LIPE: variants seen among roughly 807,000 people sequenced by gnomAD.
The protein encoded by LIPE is hormone-sensitive lipase.
In LIPE, 66 loss-of-function variants were observed where a neutral mutation model predicts 88.5. That is an observed-to-expected ratio of 0.75 (90% CI 0.61 to 0.91). LIPE has a LOEUF of 0.91. Among genes scored for constraint, LIPE ranks in the 40% least tolerant of loss-of-function variants. LIPE has a pLI of 0.00. For missense variants in LIPE, 1,346 were observed against 1,434.7 expected (o/e 0.94, Z 1.00); for synonymous variants, 570 against 617.5 (o/e 0.92, Z 1.14).
chr19:42,410,386 T>C lies in LIPE; in HGVS notation c.1340A>G (p.Glu447Gly), dbSNP rs770727172. 3 of 1,614,074 alleles carry C rather than the reference T, an allele frequency of 1.9e-6. No homozygotes were observed. Among genetic ancestry groups the C allele is most frequent in the Middle Eastern group, 1.6e-4 (1 of 6,062 alleles). The change falls in exon 2 of 10, where the codon GAG becomes GGG. Residue 447 changes from glutamate to glycine, a missense_variant. Coordinates refer to ENST00000244289, the MANE Select transcript of LIPE (RefSeq NM_005357.4). The surrounding 1 kb of genome is among the most constrained non-coding windows in gnomAD (Gnocchi z 6.1). ...RPGVLFFEGD[E>G]GLTADFLREY... ...CCGGAGGAAGTCGGCGGTGAGCCCC[T>C]CGTCGCCCTCAAAGAAGAGTACCCC...
intron 1 of LIPE, among the ~76,000 whole-genome samples, chr19:42,419,411 G>A (rs1237802234): frequency 1.3e-5 from 2 of 152,388 alleles, no homozygotes; most frequent in East Asian, 3.9e-4. Flanking sequence ...CCTTTGTCCT[G>A]TTCCAGGCGG....
At position 42,410,854 on chromosome 19, in the gene LIPE, T is replaced by G. The variant is rs748193579; in HGVS notation, c.884-12A>C. ...GATGAGCCTTGAGGCTGTGGGCAGG[T>G]GGGGAGGCCTGTTAGGTGGGGCTGG... On this transcript the variant is annotated splice_polypyrimidine_tract_variant and intron_variant, in intron 1 of 9. Transcript: ENST00000244289. This position sits in a 1 kb window ranked among gnomAD's most constrained non-coding sequence, Gnocchi z 6.1. 1 of 1,534,512 alleles carries G rather than the reference T, an allele frequency of 6.5e-7. No homozygotes were observed. Among genetic ancestry groups the G allele is most frequent in the African/African-American group, 1.4e-5 (1 of 72,894 alleles).
intron 1 of LIPE, among the ~76,000 whole-genome samples, chr19:42,418,492 G>A (rs2040533458): frequency 6.6e-6 from 1 of 152,116 alleles, no homozygotes; most frequent in African/African-American, 2.4e-5. Context: ...AAAAAGATGA[G>A]GATTTGCTGA....
At position 42,407,581 on chromosome 19, in the gene LIPE, T is replaced by A. The variant is rs1488196192; in HGVS notation, c.1842+25A>T. ...CCCACGCTCCTCGGCTCTGTCCCTG[T>A]CCCTGGCTGAGGCTGGAACCCTACC... On this transcript the variant is annotated intron_variant, in intron 5 of 9. Transcript: ENST00000244289. The surrounding 1 kb of genome is among the most constrained non-coding windows in gnomAD (Gnocchi z 5.8). 1 of 1,593,148 alleles carries A rather than the reference T, an allele frequency of 6.3e-7. No homozygotes were observed. Among genetic ancestry groups the A allele is most frequent in the East Asian group, 2.2e-5 (1 of 44,654 alleles).
rs760491701 is a variant in LIPE at position 42,408,100 on chromosome 19, AAG to A, written c.1530_1531del (p.Phe511HisfsTer15). 3 of 1,613,800 alleles carry A rather than the reference AAG, an allele frequency of 1.9e-6. No individual in the cohort carries two copies. The highest frequency in any genetic ancestry group is 1.7e-6 in the Non-Finnish European group (2 of 1,179,900). On this transcript the variant is annotated frameshift_variant, in exon 4 of 10. Transcript: ENST00000244289. LOFTEE classifies it high-confidence loss of function. The surrounding 1 kb of genome is among the most constrained non-coding windows in gnomAD (Gnocchi z 4.3). ...GTCGATGGCAAAGCGGCCGCTGGTG[AAG>A]AGAGAGCTGGCGGCCACACCTAGGG...
At chr19:42,424,467 T>C (rs2040670375) in intron 1 of LIPE, 2 of 456,214 alleles carry the variant, frequency 4.4e-6, no homozygotes, top group South Asian at 3.1e-5. Context: ...GAGACTGTGC[T>C]CTGGAGGCCT....
At position 42,401,581 on chromosome 19, in the gene LIPE, G is replaced by A. The variant is rs529196566; in HGVS notation, c.*231C>T. 35 of 499,344 alleles carry A rather than the reference G, an allele frequency of 7.0e-5. No homozygotes were observed. Among genetic ancestry groups the A allele is most frequent in the Middle Eastern group, 1.0e-3 (2 of 1,946 alleles). The allele number at this position is 499,344 out of a possible 1,614,324, so 30.9% of individuals were successfully genotyped here. A position where few individuals can be genotyped will look rare whatever the true frequency, so the allele number is the denominator to read the frequency against. On this transcript the variant is annotated 3_prime_UTR_variant, in exon 10 of 10. Coordinates refer to ENST00000244289, the MANE Select transcript of LIPE (RefSeq NM_005357.4). ...AGGGAGGGCCAGTCCCCGTCCCTGC[G>A]GCGGTCGCCGCAGCAGCAGCAGCAA...
At chr19:42,403,241 ATGTGTGTGTGTGTGTGTG>A (rs56983822) in intron 8 of LIPE, among the ~76,000 whole-genome samples, 18 of 92,002 alleles carry the variant, frequency 2.0e-4, no homozygotes, top group African/African-American at 2.7e-4. Context: ...CTAGTGAAGG[ATGTGTGTGTGTGTGTGTG>A]TGTGTGTGTG....
rs776701376 is a variant in LIPE, at chr19:42,402,974, C to G, written c.2600G>C (p.Gly867Ala). ...AALAQPQGPL[G>A]TDSLKNLTLR... ...GGTCAGGTTCTTGAGGGAATCCGTG[C>G]CCAGTGGGCCCTGGGGCTGGGCCAG... The change falls in exon 9 of 10, where the codon GGC (glycine) becomes GCC (alanine). Residue 867 changes from glycine (G) to alanine (A), a missense_variant. By Grantham distance (60) the Gly-to-Ala change is moderately conservative (BLOSUM62 0). Transcript: ENST00000244289. 2 of 1,603,232 alleles carry G rather than the reference C, an allele frequency of 1.2e-6. No individual in the cohort carries two copies. Among genetic ancestry groups the G allele is most frequent in the Non-Finnish European group, 1.7e-6 (2 of 1,178,002 alleles).
In LIPE at chr19:42,408,151, C is replaced by A; in HGVS notation, c.1511-30G>T. ...GGGTCAGAAGGGGTGTCAGGGAGCC[C>A]CAGTGGGTCAGGCTGCTTGGGCAGG... On this transcript the variant is annotated intron_variant, in intron 3 of 9. Transcript: ENST00000244289. This position sits in a 1 kb window ranked among gnomAD's most constrained non-coding sequence, Gnocchi z 4.3. 1 of 1,613,924 alleles carries A rather than the reference C, an allele frequency of 6.2e-7. No homozygotes were observed. Among genetic ancestry groups the A allele is most frequent in the Non-Finnish European group, 8.5e-7 (1 of 1,179,930 alleles).
chr19:42,403,885 C>T (rs958613990), intron 8 of LIPE, among the ~76,000 whole-genome samples: 1 of 152,068 alleles, frequency 6.6e-6, no homozygotes, highest in Non-Finnish European at 1.5e-5. Context: ...TGCTTCCCCA[C>T]ATTTCCTTTG....
rs540080023 is a variant in LIPE at position 42,406,997 on chromosome 19, T to C, written c.2137+177A>G. Reference sequence around the variant, plus strand: ...GAGATGGAGAGTCTGGGTGCCACAGTTGGGGACAGAGGATAAAGTGGCTGA... The same window carrying C: ...GAGATGGAGAGTCTGGGTGCCACAGCTGGGGACAGAGGATAAAGTGGCTGA... On this transcript the variant is annotated intron_variant, in intron 6 of 9. Coordinates refer to ENST00000244289, the MANE Select transcript of LIPE (RefSeq NM_005357.4). This position sits in a 1 kb window ranked among gnomAD's most constrained non-coding sequence, Gnocchi z 5.7. Among the ~76,000 whole-genome samples, 14 of 151,552 alleles carry C rather than the reference T, an allele frequency of 9.2e-5. No homozygotes were observed. The highest frequency in any genetic ancestry group is 2.7e-4 in the African/African-American group (11 of 41,322).
Position 42,406,448 on chromosome 19 carries a change from G to C in LIPE, c.2138-60C>G. ...GCAGGGGCAGAGGCCTGGGGAGGAG[G>C]GCAGGGAGGAACTCAAGCTGGGAGA... is the stretch of plus-strand genomic sequence containing the variant. On this transcript the variant is annotated intron_variant, in intron 6 of 9. Transcript: ENST00000244289. This position sits in a 1 kb window ranked among gnomAD's most constrained non-coding sequence, Gnocchi z 5.7. 6.8e-7 allele frequency: 1 copy of C among 1,462,784 alleles called. No individual in the cohort carries two copies. Among genetic ancestry groups the C allele is most frequent in the Non-Finnish European group, 9.5e-7 (1 of 1,049,808 alleles). 90.6% of individuals were successfully genotyped at this position (1,462,784 alleles called of 1,614,324 possible).
Position 42,407,779 on chromosome 19 carries a change from T to A in LIPE, c.1669A>T (p.Met557Leu). The change falls in exon 5 of 10, where the codon ATG becomes TTG. Residue 557 changes from methionine (M) to leucine (L), a missense_variant. By Grantham distance (15) the Met-to-Leu change is conservative (BLOSUM62 2). Transcript: ENST00000244289. The surrounding 1 kb of genome is among the most constrained non-coding windows in gnomAD (Gnocchi z 5.8). ...EMEVLSSLAN[M>L]ASATVRVSRL... ...CTTACCCTCACGGTGGCCGATGCCA[T>A]GTTGGCCAGAGACTGGAGGGAGGGG... 6.5e-7 allele frequency: 1 copy of A among 1,547,086 alleles called. No individual in the cohort carries two copies. Among genetic ancestry groups the A allele is most frequent in the Non-Finnish European group, 8.7e-7 (1 of 1,145,870 alleles).
At chr19:42,402,551 C>A in intron 9 of LIPE, 56 bp downstream of exon 9, 1 of 1,400,446 alleles carries the variant, frequency 7.1e-7, no homozygotes, top group South Asian at 1.9e-5. Context: ...CCCCCTCCTC[C>A]CCGGGTGCCC....
At chr19:42,423,738 T>C (rs2040650949) in intron 1 of LIPE, 1 of 1,131,566 alleles carries the variant, frequency 8.8e-7, no homozygotes. Context: ...AAGATCTGGC[T>C]CCGCCCCCTA....
At position 42,406,634 on chromosome 19, in the gene LIPE, CG is replaced by C. The variant is rs1462293390; in HGVS notation, c.2138-247del. ...CCAGGGAAGCACTGGGAAAGTCTGTCGGGGCTGGAGGTTGGGAGCAGGGAGG... is the reference window on the plus strand; with the variant it reads ...CCAGGGAAGCACTGGGAAAGTCTGTCGGGCTGGAGGTTGGGAGCAGGGAGG... On this transcript the variant is annotated intron_variant, in intron 6 of 9. Transcript: ENST00000244289. The surrounding 1 kb of genome is among the most constrained non-coding windows in gnomAD (Gnocchi z 5.7). 1.8e-4 allele frequency among the ~76,000 whole-genome samples: 27 copies of C among 151,704 alleles called. No individual in the cohort carries two copies. Among genetic ancestry groups the C allele is most frequent in the Non-Finnish European group, 2.5e-4 (17 of 67,942 alleles).
intron 1 of LIPE, among the ~76,000 whole-genome samples, chr19:42,419,162 C>T (rs1188095058): frequency 6.6e-6 from 1 of 152,154 alleles, no homozygotes; most frequent in Non-Finnish European, 1.5e-5. Context: ...CCTGTAGTCC[C>T]AGCTACTCGG....
At chr19:42,418,057 A>G (rs2040525334) in intron 1 of LIPE, among the ~76,000 whole-genome samples, 1 of 151,144 alleles carries the variant, frequency 6.6e-6, no homozygotes, top group Non-Finnish European at 1.5e-5. Flanking sequence ...ATCTCAGCTC[A>G]CCGCAACCTC....
Sources: allele counts gnomAD v4.1 joint callset (sites outside exome capture counted in the v4.1 genomes callset), GRCh38; gene constraint gnomAD v4.1.1; non-coding constraint Gnocchi (gnomAD v3.1); transcripts MANE v1.5; gene names NCBI Gene and HGNC (gene_info 2026-07-23, HGNC 2026-07-21).